SDK1: variants seen among roughly 807,000 people sequenced by gnomAD.
SDK1 encodes the protein sidekick cell adhesion molecule 1, also known as protein sidekick-1.
SDK1 carries 157 observed loss-of-function variants against 245.5 expected under a neutral mutation model. The ratio of observed to expected loss-of-function variants is 0.64; its 90% CI spans 0.56 to 0.73. The LOEUF is 0.73. Ranked by LOEUF, SDK1 falls within the 30% of genes least tolerant of loss-of-function variation. The probability of loss-of-function intolerance (pLI) is 0.00; values close to 1 mark genes in which losing one functional copy is unlikely to be tolerated. For missense variants in SDK1, 3,583 were observed against 3,002.3 expected (o/e 1.19, Z -4.52); for synonymous variants, 1,647 against 1,278.5 (o/e 1.29, Z -6.15).
At chr7:3,406,769 T>C (rs951668746) in intron 1 of SDK1, among the ~76,000 whole-genome samples, 1 of 152,146 alleles carries the variant, frequency 6.6e-6, no homozygotes, top group Non-Finnish European at 1.5e-5. Flanking sequence ...TGTAGGAACA[T>C]ACCCATATAT....
intron 5 of SDK1, among the ~76,000 whole-genome samples, chr7:3,919,225 C>T (rs903868066): frequency 1.3e-5 from 2 of 152,240 alleles, no homozygotes; most frequent in Non-Finnish European, 2.9e-5. Context: ...GGCTTCTCCC[C>T]CAGGCCATAA....
chr7:3,848,440 G>T (rs1201804404), intron 5 of SDK1, among the ~76,000 whole-genome samples: 3 of 152,166 alleles, frequency 2.0e-5, no homozygotes, highest in Non-Finnish European at 4.4e-5. Context: ...TAGGAGGAGG[G>T]TGATCGTGAA....
chr7:3,649,971 A>T (rs374155108), intron 4 of SDK1, among the ~76,000 whole-genome samples: 1 of 152,024 alleles, frequency 6.6e-6, no homozygotes, highest in African/African-American at 2.4e-5. Context: ...TTTATTCTGT[A>T]CACAGTGGGA....
At chr7:3,691,568 T>C (rs551117647) in intron 4 of SDK1, among the ~76,000 whole-genome samples, 1 of 152,348 alleles carries the variant, frequency 6.6e-6, no homozygotes, top group South Asian at 2.1e-4. Flanking sequence ...AAGTAGAAGA[T>C]AAATGTTTTC....
rs1265012084 is a variant in SDK1, at chr7:4,265,755, C to T, written c.*371C>T. The T allele has an allele frequency of 1.9e-6, 2 of 1,041,080 alleles. No homozygotes were observed. Among genetic ancestry groups the T allele is most frequent in the Admixed American group, 1.1e-4 (2 of 17,898 alleles). 64.5% of individuals were successfully genotyped at this position (1,041,080 alleles called of 1,614,324 possible). A position where few individuals can be genotyped will look rare whatever the true frequency, so the allele number is the denominator to read the frequency against. On this transcript the variant is annotated 3_prime_UTR_variant, in exon 45 of 45. Transcript: ENST00000404826. ...CAAGCGGGGAGAGGGAGTGGAGGGT[C>T]AGGTGAGATCTCAGAGCTGCCCCGG...
intron 13 of SDK1, among the ~76,000 whole-genome samples, chr7:3,981,322 A>G (rs1001250570): frequency 2.6e-5 from 4 of 152,156 alleles, no homozygotes; most frequent in African/African-American, 7.2e-5. Context: ...CCAACAGGCC[A>G]TTCCCTGTCT....
intron 37 of SDK1, among the ~76,000 whole-genome samples, chr7:4,209,724 G>A (rs971141990): frequency 5.5e-4 from 83 of 152,098 alleles, no homozygotes; most frequent in African/African-American, 1.6e-3. Flanking sequence ...AGCTCCCTGC[G>A]TTTCATTTTC....
At chr7:4,144,804 C>T (rs1044337683) in intron 28 of SDK1, among the ~76,000 whole-genome samples, 4 of 152,174 alleles carry the variant, frequency 2.6e-5, no homozygotes, top group African/African-American at 7.2e-5. Context: ...GAGACCGGAG[C>T]GCGGCTCTGT....
chr7:3,469,349 T>C (rs773475783), intron 1 of SDK1, among the ~76,000 whole-genome samples: 1 of 152,154 alleles, frequency 6.6e-6, no homozygotes, highest in Non-Finnish European at 1.5e-5. Flanking sequence ...GAGGATTGCT[T>C]GAGCCCAGGA....
intron 17 of SDK1, among the ~76,000 whole-genome samples, chr7:4,035,253 G>C (rs1788131696): frequency 6.6e-6 from 1 of 152,088 alleles, no homozygotes; most frequent in South Asian, 2.1e-4. Context: ...TCAAAGTGCT[G>C]GGATTACAGG....
At chr7:4,070,226 C>T (rs1249373668) in intron 20 of SDK1, among the ~76,000 whole-genome samples, 1 of 152,202 alleles carries the variant, frequency 6.6e-6, no homozygotes, top group Admixed American at 6.5e-5. Flanking sequence ...GATGTCTGCA[C>T]CCGCCTGGGA....
chr7:3,527,639 G>C (rs1783188620), intron 1 of SDK1, among the ~76,000 whole-genome samples: 1 of 151,050 alleles, frequency 6.6e-6, no homozygotes, highest in Non-Finnish European at 1.5e-5. Context: ...TAGGGGGTGA[G>C]TGGTGGGAGG....
chr7:3,319,007 G>C (rs1224187207), intron 1 of SDK1, among the ~76,000 whole-genome samples: 2 of 151,992 alleles, frequency 1.3e-5, no homozygotes, highest in African/African-American at 4.8e-5. Flanking sequence ...CCTATCTGGG[G>C]GTGGCCTGAG....
chr7:4,078,963 C>T (rs184359884), intron 21 of SDK1, among the ~76,000 whole-genome samples: 20 of 152,200 alleles, frequency 1.3e-4, no homozygotes, highest in South Asian at 4.1e-4. Flanking sequence ...GGTGTCACGT[C>T]GCCTGGGAGC....
At chr7:3,967,286 G>A (rs748109104) in intron 9 of SDK1, 32 bp from the exon 10 acceptor site, 2 of 1,529,410 alleles carry the variant, frequency 1.3e-6, no homozygotes, top group South Asian at 1.1e-5. Flanking sequence ...CAGGAACAAG[G>A]CCCTGATCAT....
chr7:3,518,635 A>G (rs1434986526), intron 1 of SDK1, among the ~76,000 whole-genome samples: 1 of 152,130 alleles, frequency 6.6e-6, no homozygotes, highest in Non-Finnish European at 1.5e-5. Flanking sequence ...ATAAGATATC[A>G]TCTCATCCCA....
At chr7:4,089,681 C>A (rs1278867349) in intron 22 of SDK1, among the ~76,000 whole-genome samples, 4 of 152,178 alleles carry the variant, frequency 2.6e-5, no homozygotes, top group Non-Finnish European at 5.9e-5. Flanking sequence ...GACTCCTGGG[C>A]CAGCTCACAG....
chr7:3,936,830 G>A (rs1032000120), intron 5 of SDK1, among the ~76,000 whole-genome samples: 1 of 152,222 alleles, frequency 6.6e-6, no homozygotes, highest in Non-Finnish European at 1.5e-5. Context: ...TGCTGGATGG[G>A]TGGGATTTCA....
At chr7:3,609,353 G>A (rs947159819) in intron 1 of SDK1, among the ~76,000 whole-genome samples, 1 of 152,134 alleles carries the variant, frequency 6.6e-6, no homozygotes, top group Non-Finnish European at 1.5e-5. Context: ...GGGTTAAGTA[G>A]ATTGTCCAAG....
Sources: allele counts gnomAD v4.1 joint callset (sites outside exome capture counted in the v4.1 genomes callset), GRCh38; gene constraint gnomAD v4.1.1; transcripts MANE v1.5; gene names NCBI Gene and HGNC (gene_info 2026-07-23, HGNC 2026-07-21).